Variants in ATXN7L1 observed in about 807,000 individuals in gnomAD.
ATXN7L1 encodes ataxin-7-like protein 1.
Under a neutral mutation model 70.8 loss-of-function variants are expected in ATXN7L1, and 15 were observed. The observed-to-expected ratio is 0.21, with a 90% CI of 0.14 to 0.33. ATXN7L1 has a LOEUF of 0.33. ATXN7L1 is among the 10% of genes least tolerant of loss of function. The pLI, the probability that ATXN7L1 is intolerant of heterozygous loss-of-function variation, is 1.00. For missense variants in ATXN7L1, 975 were observed against 1,097.1 expected (o/e 0.89, Z 1.57); for synonymous variants, 440 against 445.1 (o/e 0.99, Z 0.14).
intron 3 of ATXN7L1, among the ~76,000 whole-genome samples, chr7:105,751,782 G>C (rs1799244899): frequency 6.6e-6 from 1 of 152,226 alleles, no homozygotes; most frequent in Non-Finnish European, 1.5e-5. Flanking sequence ...CATCTACCAA[G>C]GATTTTCAAA....
chr7:105,635,406 C>T (rs768751928), intron 7 of ATXN7L1, among the ~76,000 whole-genome samples: 5 of 152,358 alleles, frequency 3.3e-5, no homozygotes, highest in East Asian at 3.9e-4. Context: ...GTGTCAAGGC[C>T]GGCATTCACT....
At chr7:105,622,133 A>C (rs779342403) in intron 8 of ATXN7L1, among the ~76,000 whole-genome samples, 5 of 152,218 alleles carry the variant, frequency 3.3e-5, no homozygotes, top group Non-Finnish European at 5.9e-5. Context: ...ACAAACAATG[A>C]TTTAATGTAT....
At chr7:105,719,910 A>C (rs660401) in intron 3 of ATXN7L1, among the ~76,000 whole-genome samples, 115,281 of 152,188 alleles carry the variant, frequency 0.76, 45,102 homozygotes, top group East Asian at 1. Flanking sequence ...AAAAGTTGCA[A>C]TGCCAGGGCC....
chr7:105,733,504 T>TTCA (rs1796819098), intron 3 of ATXN7L1, among the ~76,000 whole-genome samples: 1 of 45,498 alleles, frequency 2.2e-5, no homozygotes, highest in African/African-American at 8.3e-5. Flanking sequence ...CCATCCATCC[T>TTCA]TCCATCCATC....
chr7:105,605,819 C>T lies in ATXN7L1; in HGVS notation c.*2033G>A, dbSNP rs1792741409. On this transcript the variant is annotated 3_prime_UTR_variant, in exon 12 of 12. Transcript: ENST00000419735. Reference sequence around the variant, plus strand: ...AGTCTGAAGAAATGTACAATAAAAACATAATTCAAAGAACATTTTAAAAAT... The same window carrying T: ...AGTCTGAAGAAATGTACAATAAAAATATAATTCAAAGAACATTTTAAAAAT... 1 of 152,110 alleles carries T rather than the reference C, an allele frequency of 6.6e-6. No homozygotes were observed. The highest frequency in any genetic ancestry group is 1.5e-5 in the Non-Finnish European group (1 of 68,016). The allele number at this position is 152,110 out of a possible 1,614,324, so 9.4% of individuals were successfully genotyped here.
At chr7:105,793,037 T>C (rs184751180) in intron 2 of ATXN7L1, among the ~76,000 whole-genome samples, 3 of 152,362 alleles carry the variant, frequency 2.0e-5, no homozygotes, top group Admixed American at 1.3e-4. Flanking sequence ...CAGCAGTGAT[T>C]TGTAAAAAGT....
At position 105,620,190 on chromosome 7, in the gene ATXN7L1, G is replaced by A. The variant is rs1471611647; in HGVS notation, c.1517+10C>T. 6.4e-7 allele frequency: 1 copy of A among 1,550,786 alleles called. No individual in the cohort carries two copies. The highest frequency in any genetic ancestry group is 1.4e-5 in the African/African-American group (1 of 73,138). On this transcript the variant is annotated intron_variant, in intron 9 of 11. Coordinates refer to ENST00000419735, the MANE Select transcript of ATXN7L1 (RefSeq NM_020725.2). ...TTGGATCTTATATTGCACAAAAGCTGCTCACTTACTTCCACATCTGTGAAT... is the reference window on the plus strand; with the variant it reads ...TTGGATCTTATATTGCACAAAAGCTACTCACTTACTTCCACATCTGTGAAT...
intron 3 of ATXN7L1, among the ~76,000 whole-genome samples, chr7:105,719,885 G>T (rs954446757): frequency 4.6e-5 from 7 of 152,240 alleles, no homozygotes; most frequent in African/African-American, 1.7e-4. Context: ...GAAGGGGCCA[G>T]CGAATCATGC....
intron 3 of ATXN7L1, among the ~76,000 whole-genome samples, chr7:105,733,633 CCCAT>C (rs1253569733): frequency 0.042 from 1,600 of 38,078 alleles, 127 homozygotes; most frequent in Non-Finnish European, 0.056. Context: ...CATCCATCCA[CCCAT>C]CCATCCATCC....
chr7:105,690,618 A>G (rs1790658768), intron 3 of ATXN7L1, among the ~76,000 whole-genome samples: 1 of 152,184 alleles, frequency 6.6e-6, no homozygotes, highest in African/African-American at 2.4e-5. Context: ...CCGAGGCACA[A>G]TGAAGTGTCT....
chr7:105,836,600 A>C (rs2116600179), intron 2 of ATXN7L1, among the ~76,000 whole-genome samples: 1 of 152,352 alleles, frequency 6.6e-6, no homozygotes, highest in Non-Finnish European at 1.5e-5. Context: ...TAGAACTGGG[A>C]GACATCAGGG....
At chr7:105,613,314 A>G (rs376539175) in intron 10 of ATXN7L1, among the ~76,000 whole-genome samples, 2 of 152,088 alleles carry the variant, frequency 1.3e-5, no homozygotes, top group South Asian at 2.1e-4. Context: ...TTCTATTAGG[A>G]GGAGGTGGGG....
In ATXN7L1 at chr7:105,615,700, T is replaced by G. The variant is rs1278108572; in HGVS notation, c.1518-884A>C. ...ACCCTCATATGTCCAGAGAAGGAGA[T>G]CAGGGATTTCTAGTTTGTTCTGAAG... is the stretch of plus-strand genomic sequence containing the variant. On this transcript the variant is annotated intron_variant, in intron 9 of 11. Transcript: ENST00000419735. 2.6e-5 allele frequency among the ~76,000 whole-genome samples: 4 copies of G among 152,076 alleles called. No homozygotes were observed. In the East Asian group the frequency reaches 7.7e-4, roughly 29 times the overall value.
At chr7:105,875,779 T>C in intron 2 of ATXN7L1, 33 bp downstream of exon 2, 3 of 1,581,914 alleles carry the variant, frequency 1.9e-6, no homozygotes, top group Non-Finnish European at 1.7e-6. Context: ...CTGCCACACA[T>C]GCTAACACTA....
intron 2 of ATXN7L1, among the ~76,000 whole-genome samples, chr7:105,859,581 G>T (rs2116650705): frequency 6.6e-6 from 1 of 152,098 alleles, no homozygotes; most frequent in South Asian, 2.1e-4. Context: ...ATTACCTACA[G>T]TATTCAGTAC....
chr7:105,621,662 A>G (rs1794953249), intron 8 of ATXN7L1, among the ~76,000 whole-genome samples: 1 of 152,236 alleles, frequency 6.6e-6, no homozygotes, highest in African/African-American at 2.4e-5. Context: ...GCAGCCTCAG[A>G]GAAGGTGACA....
At chr7:105,685,044 G>GATAATAATAATA (rs112358794) in intron 3 of ATXN7L1, among the ~76,000 whole-genome samples, 26 of 142,688 alleles carry the variant, frequency 1.8e-4, no homozygotes, top group Middle Eastern at 3.6e-3. Context: ...GAGAAGAGAT[G>GATAATAATAATA]ATAATAATAA....
intron 3 of ATXN7L1, among the ~76,000 whole-genome samples, chr7:105,711,877 A>C (rs1440983049): frequency 1.3e-5 from 2 of 152,246 alleles, no homozygotes; most frequent in African/African-American, 4.8e-5. Flanking sequence ...TCACCTCTGC[A>C]CTGCCCTAGT....
intron 3 of ATXN7L1, among the ~76,000 whole-genome samples, chr7:105,711,945 A>AT (rs1358590858): frequency 6.6e-6 from 1 of 152,214 alleles, no homozygotes; most frequent in Non-Finnish European, 1.5e-5. Context: ...ACATCCAGGC[A>AT]TTTTCCATAC....
Sources: allele counts gnomAD v4.1 joint callset (sites outside exome capture counted in the v4.1 genomes callset), GRCh38; gene constraint gnomAD v4.1.1; transcripts MANE v1.5; gene names NCBI Gene and HGNC (gene_info 2026-07-23, HGNC 2026-07-21).